NCOA7: variants seen among roughly 807,000 people sequenced by gnomAD.
NCOA7 encodes 140 kDa estrogen receptor-associated protein.
In NCOA7, 45 loss-of-function variants were observed where a neutral mutation model predicts 104.3. That is an observed-to-expected ratio of 0.43 (90% CI 0.34 to 0.55). NCOA7 has a LOEUF of 0.55. Among genes scored for constraint, NCOA7 ranks in the 20% least tolerant of loss-of-function variants. The probability of loss-of-function intolerance (pLI) is 0.02; values close to 1 mark genes in which losing one functional copy is unlikely to be tolerated. For missense variants in NCOA7, 1,041 were observed against 1,119.7 expected, an observed-to-expected ratio of 0.93 and a Z score of 1.00; for synonymous variants, 398 against 402.3, an observed-to-expected ratio of 0.99 and a Z score of 0.13.
chr6:125,927,674 A>C lies in NCOA7; in HGVS notation c.2535A>C (p.Ala845=). The C allele has an allele frequency of 6.2e-7, 1 of 1,613,924 alleles. No individual in the cohort carries two copies. Among genetic ancestry groups the C allele is most frequent in the Non-Finnish European group, 8.5e-7 (1 of 1,179,772 alleles). ...TTTTCTTTTGACAGATTTTTGGAGC[A>C]TATGCAACTCATCCTTTCAAGTTCA... is the stretch of plus-strand genomic sequence containing the variant. The part of the protein sequence containing the change: ...IKDMDNQIFG[A]YATHPFKFSD... The change falls in exon 14 of 16, where the codon GCA becomes GCC. Residue 845 remains alanine, a synonymous_variant. Transcript: ENST00000392477.
At chr6:125,813,576 C>A (rs747840583) in intron 1 of NCOA7, among the ~76,000 whole-genome samples, 1 of 151,678 alleles carries the variant, frequency 6.6e-6, no homozygotes, top group Non-Finnish European at 1.5e-5. Flanking sequence ...CTCAGCCTCC[C>A]AAGTGCTGGG....
At chr6:125,825,073 C>T (rs1051562581) in intron 2 of NCOA7, among the ~76,000 whole-genome samples, 1 of 151,452 alleles carries the variant, frequency 6.6e-6, no homozygotes, top group African/African-American at 2.4e-5. Context: ...CACAGTGGCT[C>T]ACACCTGTAA....
At chr6:125,837,180 G>A (rs775985722) in intron 2 of NCOA7, among the ~76,000 whole-genome samples, 23 of 152,090 alleles carry the variant, frequency 1.5e-4, no homozygotes, top group Non-Finnish European at 2.6e-4. Flanking sequence ...ATCAATTTAT[G>A]AAATTTGACA....
intron 3 of NCOA7, among the ~76,000 whole-genome samples, chr6:125,860,414 C>T (rs1293401537): frequency 6.6e-6 from 1 of 152,222 alleles, no homozygotes; most frequent in Admixed American, 6.5e-5. Context: ...GTGGTGCAAT[C>T]TCGACTCATT....
At chr6:125,868,501 A>G (rs79476313) in intron 3 of NCOA7, among the ~76,000 whole-genome samples, 11,474 of 152,316 alleles carry the variant, frequency 0.075, 587 homozygotes, top group Middle Eastern at 0.15. Context: ...GATTAATATC[A>G]CGTGGCTATG....
chr6:125,800,843 A>C (rs112245934), intron 1 of NCOA7, among the ~76,000 whole-genome samples: 4 of 152,212 alleles, frequency 2.6e-5, no homozygotes, highest in Admixed American at 1.3e-4. Flanking sequence ...CCTGGCCAAC[A>C]TGGTGAAACC....
chr6:125,800,094 T>C (rs1014658232), intron 1 of NCOA7, among the ~76,000 whole-genome samples: 1 of 152,268 alleles, frequency 6.6e-6, no homozygotes, highest in African/African-American at 2.4e-5. Flanking sequence ...GCTAGTAATA[T>C]AATATACAAA....
At position 125,889,764 on chromosome 6, in the gene NCOA7, C is replaced by T. The variant is rs1421251334; in HGVS notation, c.1710C>T (p.Pro570=). 1 of 1,612,306 alleles carries T rather than the reference C, an allele frequency of 6.2e-7. No homozygotes were observed. The highest frequency in any genetic ancestry group is 8.5e-7 in the Non-Finnish European group (1 of 1,179,396). ...LSSSLSQAGD[P]ITEGNKEPDK... ...GTTCTCTTTCCCAGGCGGGTGATCC[C>T]ATAACTGAGGGCAATAAAGAGCCAG... Residue 570 remains proline (P), a synonymous_variant, in exon 9 of 16, where the codon CCC becomes CCT. Transcript: ENST00000392477.
intron 7 of NCOA7, among the ~76,000 whole-genome samples, chr6:125,882,905 A>G (rs1783961280): frequency 6.6e-6 from 1 of 152,222 alleles, no homozygotes; most frequent in Non-Finnish European, 1.5e-5. Flanking sequence ...CTCTGAGACC[A>G]GGGGCAAGGT....
At chr6:125,815,490 G>A in intron 2 of NCOA7, 86 bp downstream of exon 2, 1 of 1,135,988 alleles carries the variant, frequency 8.8e-7, no homozygotes, top group Non-Finnish European at 1.3e-6. Context: ...TTCGCATTTT[G>A]TGTTTTGTGC....
Position 125,828,101 on chromosome 6 carries a change from G to A in NCOA7, c.50+12697G>A, listed in dbSNP as rs77806458. Reference sequence around the variant, plus strand: ...TTCAGAGTTGTTGGCCTCAGCCATGGGAAAGGATGACATCATATAGGCAGG... The same window carrying A: ...TTCAGAGTTGTTGGCCTCAGCCATGAGAAAGGATGACATCATATAGGCAGG... On this transcript the variant is annotated intron_variant, in intron 2 of 15. Coordinates refer to ENST00000392477, the MANE Select transcript of NCOA7 (RefSeq NM_181782.5). Among the ~76,000 whole-genome samples the A allele has an allele frequency of 6.6e-3, 1,003 of 152,324 alleles. 10 individuals carry two copies. The highest frequency in any genetic ancestry group is 0.023 in the African/African-American group (959 of 41,558).
chr6:125,882,477 T>C lies in NCOA7; in HGVS notation c.625T>C (p.Ser209Pro). The change falls in exon 7 of 16, where the codon TCT (serine) becomes CCT (proline). Residue 209 changes from serine (S) to proline (P), a missense_variant. Coordinates refer to ENST00000392477, the MANE Select transcript of NCOA7 (RefSeq NM_181782.5). The part of the protein sequence containing the change: ...ALKPIERVLS[S>P]TSEEDEPGVV... ...GAAACCCATTGAAAGAGTCTTATCG[T>C]CTACTTCTGAAGAAGATGAGCCAGG... is the stretch of plus-strand genomic sequence containing the variant. The C allele has an allele frequency of 6.2e-7, 1 of 1,613,768 alleles. No homozygotes were observed. The highest frequency in any genetic ancestry group is 8.5e-7 in the Non-Finnish European group (1 of 1,179,800).
At chr6:125,891,434 ATAAT>A (rs1464694048) in intron 10 of NCOA7, among the ~76,000 whole-genome samples, 4 of 152,246 alleles carry the variant, frequency 2.6e-5, no homozygotes, top group Non-Finnish European at 5.9e-5. Flanking sequence ...TATAATAAAA[ATAAT>A]TAGGGAATAT....
rs564013311 is a variant in NCOA7 at position 125,862,322 on chromosome 6, G to A, written c.271+7082G>A. Reference sequence around the variant, plus strand: ...TTACAGGTCATGAATAAATGATAAAGAGATGATCTTTTTAAAACATTATCT... The same window carrying A: ...TTACAGGTCATGAATAAATGATAAAAAGATGATCTTTTTAAAACATTATCT... On this transcript the variant is annotated intron_variant, in intron 3 of 15. Coordinates refer to ENST00000392477, the MANE Select transcript of NCOA7 (RefSeq NM_181782.5). Among the ~76,000 whole-genome samples the A allele has an allele frequency of 1.4e-3, 195 of 137,902 alleles. 28 individuals carry two copies. Among genetic ancestry groups the A allele is most frequent in the Non-Finnish European group, 2.3e-3 (150 of 64,784 alleles). 90.5% of individuals were successfully genotyped at this position (137,902 alleles called of 152,430 possible).
chr6:125,842,232 C>T (rs1292916551), intron 2 of NCOA7, among the ~76,000 whole-genome samples: 1 of 151,998 alleles, frequency 6.6e-6, no homozygotes, highest in Non-Finnish European at 1.5e-5. Flanking sequence ...CCCTTATTTC[C>T]CTCAATATTT....
chr6:125,920,833 T>A, intron 11 of NCOA7, 110 bp from the exon 12 acceptor site: 1 of 1,386,810 alleles, frequency 7.2e-7, no homozygotes, highest in East Asian at 2.6e-5. Flanking sequence ...GATTTCCTGC[T>A]GCCGAAGCGT....
chr6:125,814,330 A>AT (rs1345917703), intron 1 of NCOA7, among the ~76,000 whole-genome samples: 2 of 152,000 alleles, frequency 1.3e-5, no homozygotes, highest in Non-Finnish European at 2.9e-5. Flanking sequence ...AATTTTTGGT[A>AT]TTTTTGGTAG....
At chr6:125,908,464 C>A (rs1786230700) in intron 10 of NCOA7, among the ~76,000 whole-genome samples, 1 of 152,178 alleles carries the variant, frequency 6.6e-6, no homozygotes, top group Non-Finnish European at 1.5e-5. Flanking sequence ...CCTTCAGGAA[C>A]AATGGAATAG....
intron 2 of NCOA7, among the ~76,000 whole-genome samples, chr6:125,837,449 C>T (rs9491513): frequency 0.036 from 5,473 of 152,030 alleles, 329 homozygotes; most frequent in African/African-American, 0.12. Context: ...TAATAAATGC[C>T]ATATATTTGA....
Sources: allele counts gnomAD v4.1 joint callset (sites outside exome capture counted in the v4.1 genomes callset), GRCh38; gene constraint gnomAD v4.1.1; transcripts MANE v1.5; gene names NCBI Gene and HGNC (gene_info 2026-07-23, HGNC 2026-07-21).